VAV2: variants seen among roughly 807,000 people sequenced by gnomAD.
The protein encoded by VAV2 is vav guanine nucleotide exchange factor 2, also known as guanine nucleotide exchange factor VAV2.
A neutral mutation model predicts 132.5 loss-of-function variants in VAV2; 67 were observed. That is an observed-to-expected ratio of 0.51 (90% confidence interval 0.42 to 0.62). VAV2 has a LOEUF of 0.62. Ranked by LOEUF, VAV2 falls within the 20% of genes least tolerant of loss-of-function variation. The pLI is 0.00. For synonymous variants in VAV2, 492 were observed against 443.5 expected (o/e 1.11, Z -1.37); for missense variants, 938 against 1,153.6 (o/e 0.81, Z 2.71).
intron 3 of VAV2, among the ~76,000 whole-genome samples, chr9:133,854,947 C>T (rs1837329548): frequency 6.6e-6 from 1 of 152,178 alleles, no homozygotes; most frequent in Admixed American, 6.5e-5. Flanking sequence ...GGATGAGCTG[C>T]TAAGCATATA....
Position 133,941,935 on chromosome 9 carries a change from G to A in VAV2, c.205-2716C>T, listed in dbSNP as rs144138899. On this transcript the variant is annotated intron_variant, in intron 1 of 29. Coordinates refer to ENST00000371850, the MANE Select transcript of VAV2 (RefSeq NM_001134398.2). ...CCACTTTCATGAGGCCCCTGGAGTC[G>A]TCAGATCCACAGAGAGAAAGGAGAA... Among the ~76,000 whole-genome samples the A allele has an allele frequency of 7.7e-3, 1,175 of 152,218 alleles. 17 individuals are homozygous for A. Among genetic ancestry groups the A allele is most frequent in the African/African-American group, 0.027 (1,121 of 41,520 alleles).
chr9:133,960,296 G>A (rs1258960772), intron 1 of VAV2, among the ~76,000 whole-genome samples: 1 of 152,124 alleles, frequency 6.6e-6, no homozygotes, highest in East Asian at 1.9e-4. Context: ...TATCTGTGGG[G>A]GTTTTCATCA....
chr9:133,964,050 C>CATATATATATATATATATAT (rs757580734), intron 1 of VAV2, among the ~76,000 whole-genome samples: 1 of 84,910 alleles, frequency 1.2e-5, no homozygotes, highest in Non-Finnish European at 2.2e-5. Context: ...TATATATATA[C>CATATATATATATATATATAT]ATATATATAC....
At chr9:133,786,514 G>A (rs531656392) in intron 16 of VAV2, among the ~76,000 whole-genome samples, 5 of 152,150 alleles carry the variant, frequency 3.3e-5, no homozygotes, top group Non-Finnish European at 7.4e-5. Flanking sequence ...CAGGAAGGAT[G>A]AGCGCAGGGC....
chr9:133,911,856 C>A (rs536242478), intron 2 of VAV2, among the ~76,000 whole-genome samples: 1 of 152,386 alleles, frequency 6.6e-6, no homozygotes, highest in Admixed American at 6.5e-5. Context: ...GTCCTCCAAA[C>A]CCACTCTCAC....
Position 133,775,062 on chromosome 9 carries a change from G to C in VAV2, c.2019-11C>G. 1 of 1,595,050 alleles carries C rather than the reference G, an allele frequency of 6.3e-7. No homozygotes were observed. Among genetic ancestry groups the C allele is most frequent in the East Asian group, 2.3e-5 (1 of 43,652 alleles). ...ATGTTACCTGCAAACCTACAGGAGG[G>C]GGCCGGGAGGAAACGAGAGCCGCAG... is the stretch of plus-strand genomic sequence containing the variant. On this transcript the variant is annotated splice_polypyrimidine_tract_variant and intron_variant, in intron 24 of 29. Transcript: ENST00000371850.
rs191274326 is a variant in VAV2 at position 133,768,585 on chromosome 9, G to A, written c.2446C>T (p.Arg816Cys). 3.3e-4 allele frequency: 536 copies of A among 1,613,776 alleles called. 3 individuals carry two copies. The East Asian group carries it at 8.5e-3, about 26-fold the overall frequency. ...SAPFWSVFTP[R>C]VIGTAVARYN... ...CTGGCCACAGCTGTGCCGATGACGC[G>A]GGGCGTGAACACTGTTGAGGGAGAT... Residue 816 changes from arginine to cysteine, a missense_variant, in exon 29 of 30, where the codon CGC becomes TGC. By Grantham distance (180) the Arg-to-Cys change is radical (BLOSUM62 -3). Coordinates refer to ENST00000371850, the MANE Select transcript of VAV2 (RefSeq NM_001134398.2). The surrounding 1 kb of genome is among the most constrained non-coding windows in gnomAD (Gnocchi z 5.3).
At position 133,954,596 on chromosome 9, in the gene VAV2, G is replaced by A. The variant is rs563582067; in HGVS notation, c.205-15377C>T. On this transcript the variant is annotated intron_variant, in intron 1 of 29. Coordinates refer to ENST00000371850, the MANE Select transcript of VAV2 (RefSeq NM_001134398.2). ...GCGGGAGCTGTGGCACTGCAGCCAA[G>A]CACTTACATGTGCCACACACCTGTG... 2.6e-5 allele frequency among the ~76,000 whole-genome samples: 4 copies of A among 152,370 alleles called. No individual in the cohort carries two copies. The East Asian group carries it at 7.7e-4, about 29-fold the overall frequency.
rs933524705 is a variant in VAV2 at position 133,863,923 on chromosome 9, C to A, written c.322-2491G>T. Reference sequence around the variant, plus strand: ...GCCTGAAAGGTTAGGAGCAGAAGTACCTCCCTGCAGGAGGAGGGATGCCCT... The same window carrying A: ...GCCTGAAAGGTTAGGAGCAGAAGTAACTCCCTGCAGGAGGAGGGATGCCCT... On this transcript the variant is annotated intron_variant, in intron 2 of 29. Transcript: ENST00000371850. This position sits in a 1 kb window ranked among gnomAD's most constrained non-coding sequence, Gnocchi z 5.0. 1.3e-5 allele frequency among the ~76,000 whole-genome samples: 2 copies of A among 152,138 alleles called. No homozygotes were observed. Among genetic ancestry groups the A allele is most frequent in the African/African-American group, 4.8e-5 (2 of 41,430 alleles).
chr9:133,831,923 A>T (rs980450581), intron 4 of VAV2, among the ~76,000 whole-genome samples: 8 of 152,112 alleles, frequency 5.3e-5, no homozygotes, highest in African/African-American at 1.9e-4. Context: ...CAGTTTCCTT[A>T]TCTGTAAAAT....
chr9:133,988,974 G>C (rs755788719), intron 1 of VAV2, among the ~76,000 whole-genome samples: 7 of 152,208 alleles, frequency 4.6e-5, no homozygotes, highest in Non-Finnish European at 1.0e-4. Context: ...CACTTAGGGA[G>C]GCCTAGGCGG....
intron 2 of VAV2, among the ~76,000 whole-genome samples, chr9:133,868,283 T>C (rs1170090368): frequency 6.6e-6 from 1 of 152,144 alleles, no homozygotes; most frequent in East Asian, 1.9e-4. Flanking sequence ...AGGCACCGCA[T>C]CCCCATGAGG....
chr9:133,777,729 T>C (rs977169326), intron 22 of VAV2, among the ~76,000 whole-genome samples: 21 of 152,052 alleles, frequency 1.4e-4, no homozygotes, highest in African/African-American at 4.8e-4. Context: ...GCCCTGGTCA[T>C]ACCCGGGGAG....
chr9:133,947,694 C>T (rs1314444301), intron 1 of VAV2, among the ~76,000 whole-genome samples: 4 of 128,608 alleles, frequency 3.1e-5, no homozygotes, highest in Non-Finnish European at 5.1e-5. Context: ...AGCAAAACTC[C>T]GTCTCAAAAA....
chr9:133,924,037 T>C (rs946233033), intron 2 of VAV2, among the ~76,000 whole-genome samples: 1 of 152,112 alleles, frequency 6.6e-6, no homozygotes, highest in African/African-American at 2.4e-5. Context: ...AAATATCTCA[T>C]GTAAATGATG....
chr9:133,816,659 G>A (rs1172210176), intron 4 of VAV2, among the ~76,000 whole-genome samples: 2 of 152,210 alleles, frequency 1.3e-5, no homozygotes, highest in Non-Finnish European at 2.9e-5. Flanking sequence ...CTGGAGTCCA[G>A]GAGTTTGAGG....
At chr9:133,815,665 C>T (rs1325465930) in intron 4 of VAV2, among the ~76,000 whole-genome samples, 4 of 152,194 alleles carry the variant, frequency 2.6e-5, no homozygotes, top group East Asian at 1.9e-4. Context: ...TACTAATCCA[C>T]GGCATGAACA....
chr9:133,821,249 G>A (rs1394616900), intron 4 of VAV2, among the ~76,000 whole-genome samples: 4 of 152,226 alleles, frequency 2.6e-5, no homozygotes, highest in African/African-American at 7.2e-5. Context: ...TGCCACACCA[G>A]TGTCTGGTCC....
chr9:133,812,990 T>C (rs1835415842), intron 4 of VAV2, among the ~76,000 whole-genome samples: 1 of 152,182 alleles, frequency 6.6e-6, no homozygotes, highest in African/African-American at 2.4e-5. Flanking sequence ...CGGATGAGCC[T>C]GGCCCCTCCC....
Sources: gnomAD v4.1 joint callset for allele counts (sites outside exome capture counted in the v4.1 genomes callset) on GRCh38, gnomAD v4.1.1 for gene constraint, Gnocchi (gnomAD v3.1) non-coding constraint, MANE v1.5 for transcripts, NCBI Gene and HGNC (gene_info 2026-07-23, HGNC 2026-07-21) for gene names.